The following DMTN variants were observed in gnomAD, a reference collection of about 807,000 sequenced individuals.
DMTN encodes dematin actin binding protein.
A neutral mutation model predicts 59.4 loss-of-function variants in DMTN; 27 were observed. That is an observed-to-expected ratio of 0.45 (90% CI 0.33 to 0.63). DMTN has a LOEUF of 0.63. Ranked by LOEUF, DMTN falls within the 20% of genes least tolerant of loss-of-function variation. The pLI, the probability that DMTN is intolerant of heterozygous loss-of-function variation, is 0.02. For missense variants in DMTN, 451 were observed against 528.9 expected (o/e 0.85, Z 1.45); for synonymous variants, 221 against 203.7 (o/e 1.08, Z -0.72).
chr8:22,081,492 C>G lies in DMTN; in HGVS notation c.*29C>G. 6.3e-7 allele frequency: 1 copy of G among 1,592,778 alleles called. No individual in the cohort carries two copies. Among genetic ancestry groups the G allele is most frequent in the Non-Finnish European group, 8.6e-7 (1 of 1,160,912 alleles). On this transcript the variant is annotated 3_prime_UTR_variant, in exon 16 of 16. Coordinates refer to ENST00000358242, the MANE Select transcript of DMTN (RefSeq NM_001387751.1). Reference sequence around the variant, plus strand: ...CCCCCACCTGCTCCGGGACGGCCCCCTTACCCCTGCTGCTTCAGGGTTTTT... The same window carrying G: ...CCCCCACCTGCTCCGGGACGGCCCCGTTACCCCTGCTGCTTCAGGGTTTTT...
rs1823799672 is a variant in DMTN at position 22,080,861 on chromosome 8, G to A, written c.1014G>A (p.Leu338=). 1.9e-6 allele frequency: 3 copies of A among 1,575,386 alleles called. No homozygotes were observed. Among genetic ancestry groups the A allele is most frequent in the African/African-American group, 1.3e-5 (1 of 74,084 alleles). ...MDRGNSLPCV[L]EQKIYPYEML... ...GGGGGAACTCCCTGCCCTGTGTGCT[G>A]GAGCAGAAGGTGAGGGGCAGGGGAC... Residue 338 remains leucine (L), a synonymous_variant, in exon 14 of 16, where the codon CTG becomes CTA. Coordinates refer to ENST00000358242, the MANE Select transcript of DMTN (RefSeq NM_001387751.1).
At chr8:22,080,505 A>C in intron 12 of DMTN, 45 bp downstream of exon 12, 1 of 1,613,996 alleles carries the variant, frequency 6.2e-7, no homozygotes, top group East Asian at 2.2e-5. Context: ...AGGGGCTTAC[A>C]CAGGTCCCTG....
chr8:22,077,821 C>T (rs971890521), intron 10 of DMTN, among the ~76,000 whole-genome samples: 6 of 152,070 alleles, frequency 3.9e-5, no homozygotes, highest in African/African-American at 9.7e-5. Flanking sequence ...CTGGAATAGT[C>T]GCTCTGGAAC....
At chr8:22,049,584 C>T (rs1343401917), upstream of DMTN, among the ~76,000 whole-genome samples, 1 of 150,592 alleles carries the variant, frequency 6.6e-6, no homozygotes, top group Non-Finnish European at 1.5e-5. Context: ...CCCCCCCCGC[C>T]ACCCCACCAG....
chr8:22,050,809 C>G (rs577619775), upstream of DMTN, among the ~76,000 whole-genome samples: 98 of 152,260 alleles, frequency 6.4e-4, no homozygotes, highest in Non-Finnish European at 1.1e-3. Flanking sequence ...TCTGACTGAG[C>G]CTTCTCCTCA....
At position 22,058,326 on chromosome 8, in the gene DMTN, C is replaced by A. The variant is rs1252413106; in HGVS notation, c.-172+1190C>A. ...GCTCCTGGGTGTTGTGGGACTGGAA[C>A]AGGGAGGCCCTGGGATCCAGAAAGC... is the stretch of plus-strand genomic sequence containing the variant. On this transcript the variant is annotated intron_variant, in intron 1 of 15. Coordinates refer to ENST00000358242, the MANE Select transcript of DMTN (RefSeq NM_001387751.1). The surrounding 1 kb of genome is among the most constrained non-coding windows in gnomAD (Gnocchi z 4.3). Among the ~76,000 whole-genome samples the A allele has an allele frequency of 2.2e-4, 33 of 152,138 alleles. 1 individual carries two copies. The highest frequency in any genetic ancestry group is 2.1e-3 in the Admixed American group (32 of 15,282).
chr8:22,054,118 A>ACACAGACACACACACACACG (rs1801697764), upstream of DMTN, among the ~76,000 whole-genome samples: 1 of 151,572 alleles, frequency 6.6e-6, no homozygotes, highest in African/African-American at 2.4e-5. Flanking sequence ...ACACACACAC[A>ACACAGACACACACACACACG]CACACAGACA....
rs1336336201 is a variant in DMTN at position 22,081,822 on chromosome 8, G to C, written c.*359G>C. On this transcript the variant is annotated 3_prime_UTR_variant, in exon 16 of 16. Transcript: ENST00000358242. ...GGCTGTCTTGAACAGCTGGAGGGAA[G>C]ATGCAGGGGTGGGAAGCGGCCAGGC... 1 of 480,624 alleles carries C rather than the reference G, an allele frequency of 2.1e-6. No homozygotes were observed. Among genetic ancestry groups the C allele is most frequent in the African/African-American group, 2.0e-5 (1 of 51,152 alleles). 29.8% of individuals were successfully genotyped at this position (480,624 alleles called of 1,614,324 possible).
Position 22,066,884 on chromosome 8 carries a change from G to T in DMTN, c.9G>T (p.Arg3=). Reference sequence around the variant, plus strand: ...GGCGAGCTCCGTGCTGCATGGAACGGCTGCAGAAGGTGCGCGGCGCCGCCC... The same window carrying T: ...GGCGAGCTCCGTGCTGCATGGAACGTCTGCAGAAGGTGCGCGGCGCCGCCC... The part of the protein sequence containing the change: ME[R]LQKQPLTSPG... Residue 3 remains arginine (R), a synonymous_variant, in exon 2 of 16, where the codon CGG becomes CGT. Transcript: ENST00000358242. 3.1e-6 allele frequency: 4 copies of T among 1,309,306 alleles called. No homozygotes were observed. The highest frequency in any genetic ancestry group is 3.9e-6 in the Non-Finnish European group (4 of 1,027,592). 81.1% of individuals were successfully genotyped at this position (1,309,306 alleles called of 1,614,324 possible). A position where few individuals can be genotyped will look rare whatever the true frequency, so the allele number is the denominator to read the frequency against.
At chr8:22,055,971 G>A (rs1416750229), upstream of DMTN, among the ~76,000 whole-genome samples, 1 of 152,218 alleles carries the variant, frequency 6.6e-6, no homozygotes, top group East Asian at 1.9e-4. Flanking sequence ...AGTCTGCGGT[G>A]TGGAGGTGGA....
chr8:22,056,705 C>T (rs868827463), upstream of DMTN, among the ~76,000 whole-genome samples: 26 of 152,304 alleles, frequency 1.7e-4, no homozygotes, highest in Middle Eastern at 6.8e-3. Flanking sequence ...GGTGGAAGAG[C>T]GCGCACATCC....
chr8:22,063,495 G>T (rs1358545127), intron 1 of DMTN, among the ~76,000 whole-genome samples: 1 of 152,080 alleles, frequency 6.6e-6, no homozygotes, highest in Non-Finnish European at 1.5e-5. Context: ...AACAGATTAC[G>T]ACCTAACCCT....
chr8:22,081,376 A>G lies in DMTN; in HGVS notation c.1131A>G (p.Ser377=), dbSNP rs1321996841. 14 of 1,613,688 alleles carry G rather than the reference A, an allele frequency of 8.7e-6. No individual in the cohort carries two copies. In the South Asian group the frequency reaches 1.5e-4, roughly 18 times the overall value. The change falls in exon 16 of 16, where the codon TCA becomes TCG. Residue 377 remains serine (S), a synonymous_variant. Coordinates refer to ENST00000358242, the MANE Select transcript of DMTN (RefSeq NM_001387751.1). The part of the protein sequence containing the change: ...LERHLSAEDF[S]RVFAMSPEEF... ...GGCATCTGTCTGCCGAGGACTTCTC[A>G]AGGGTATTTGCCATGTCCCCTGAAG... is the stretch of plus-strand genomic sequence containing the variant.
chr8:22,049,580 C>G (rs1239942988), upstream of DMTN, among the ~76,000 whole-genome samples: 1 of 138,020 alleles, frequency 7.2e-6, no homozygotes, highest in African/African-American at 2.6e-5. Flanking sequence ...CCCCCCCCCC[C>G]CGCCACCCCA....
rs753740166 is a variant in DMTN at position 22,067,096 on chromosome 8, C to G, written c.30C>G (p.Thr10=). Residue 10 remains threonine, a synonymous_variant, in exon 3 of 16, where the codon ACC becomes ACG. Transcript: ENST00000358242. MERLQKQPL[T]SPGSVSPSRD... Reference sequence around the variant, plus strand: ...CTCGCTCTCCCCAGCAACCACTTACCTCCCCCGGGAGCGTGAGCCCCTCCC... The same window carrying G: ...CTCGCTCTCCCCAGCAACCACTTACGTCCCCCGGGAGCGTGAGCCCCTCCC... 3.7e-6 allele frequency: 6 copies of G among 1,604,354 alleles called. No homozygotes were observed. The highest frequency in any genetic ancestry group is 5.1e-6 in the Non-Finnish European group (6 of 1,176,150).
chr8:22,074,726 G>GGTACACT (rs1818395207), intron 10 of DMTN, among the ~76,000 whole-genome samples: 1 of 152,142 alleles, frequency 6.6e-6, no homozygotes, highest in Non-Finnish European at 1.5e-5. Flanking sequence ...CAGAGTACAG[G>GGTACACT]GTACACTGTG....
At chr8:22,067,729 G>C (rs1811949580) in intron 4 of DMTN, 47 bp downstream of exon 4, 12 of 1,600,850 alleles carry the variant, frequency 7.5e-6, no homozygotes, top group Non-Finnish European at 1.0e-5. Flanking sequence ...GCCCCCCCCA[G>C]CCACACTGGG....
intron 3 of DMTN, 57 bp downstream of exon 3, chr8:22,067,216 AC>A: frequency 6.4e-7 from 1 of 1,568,058 alleles, no homozygotes. Flanking sequence ...AGGGTGGGGG[AC>A]CCCTGGCTGC....
chr8:22,067,437 T>A, intron 3 of DMTN, 90 bp from the exon 4 acceptor site: 4 of 1,548,630 alleles, frequency 2.6e-6, no homozygotes, highest in Non-Finnish European at 3.5e-6. Flanking sequence ...CGGTCCATTT[T>A]CTTGGTAATT....
Sources: allele counts gnomAD v4.1 joint callset (sites outside exome capture counted in the v4.1 genomes callset), GRCh38; gene constraint gnomAD v4.1.1; non-coding constraint Gnocchi (gnomAD v3.1); transcripts MANE v1.5; gene names NCBI Gene and HGNC (gene_info 2026-07-23, HGNC 2026-07-21).